Variants in MYO3A observed in about 807,000 individuals in gnomAD.
MYO3A encodes myosin-IIIa.
Under a neutral mutation model 192.7 loss-of-function variants are expected in MYO3A, and 180 were observed. That is an observed-to-expected ratio of 0.93 (90% CI 0.83 to 1.06). MYO3A has a LOEUF of 1.06. Among genes scored for constraint, MYO3A ranks in the 50% least tolerant of loss-of-function variants. The probability of loss-of-function intolerance (pLI) is 0.00; values close to 1 mark genes in which losing one functional copy is unlikely to be tolerated. For synonymous variants in MYO3A, 628 were observed against 645.3 expected (o/e 0.97, Z 0.41); for missense variants, 1,896 against 1,905.0 (o/e 1.00, Z 0.09).
chr10:26,092,994 A>G (rs1836789014), intron 15 of MYO3A, among the ~76,000 whole-genome samples: 1 of 152,196 alleles, frequency 6.6e-6, no homozygotes, highest in Non-Finnish European at 1.5e-5. Flanking sequence ...TTTTCAAATT[A>G]TAATTCTCAA....
chr10:26,001,753 A>G (rs1357529559), intron 6 of MYO3A, among the ~76,000 whole-genome samples: 3 of 152,210 alleles, frequency 2.0e-5, no homozygotes, highest in Non-Finnish European at 4.4e-5. Context: ...AGGATGAGGC[A>G]GGAGGATTAC....
At chr10:26,068,387 C>T (rs1160626680) in intron 11 of MYO3A, among the ~76,000 whole-genome samples, 3 of 152,134 alleles carry the variant, frequency 2.0e-5, no homozygotes, top group African/African-American at 7.2e-5. Flanking sequence ...CACTGGATCA[C>T]CTTGATTTGG....
At chr10:26,087,371 C>A (rs980108863) in intron 14 of MYO3A, among the ~76,000 whole-genome samples, 5 of 152,138 alleles carry the variant, frequency 3.3e-5, no homozygotes, top group Non-Finnish European at 5.9e-5. Context: ...CCAGAAATAG[C>A]CACCACTGCT....
intron 10 of MYO3A, among the ~76,000 whole-genome samples, chr10:26,066,472 A>C (rs1834854141): frequency 1.3e-5 from 2 of 152,190 alleles, no homozygotes; most frequent in South Asian, 4.1e-4. Flanking sequence ...TTTTACTTTG[A>C]AAATAAACTT....
intron 17 of MYO3A, among the ~76,000 whole-genome samples, chr10:26,113,268 T>G (rs1588977353): frequency 6.6e-6 from 1 of 152,108 alleles, no homozygotes; most frequent in African/African-American, 2.4e-5. Context: ...CTCAGGAGTT[T>G]GAGACCGGCC....
At chr10:26,199,674 T>C (rs1589119658) in intron 32 of MYO3A, among the ~76,000 whole-genome samples, 1 of 151,960 alleles carries the variant, frequency 6.6e-6, no homozygotes, top group East Asian at 1.9e-4. Context: ...AACCAACTTA[T>C]ATACACCATG....
At chr10:26,013,143 T>G (rs1043050328) in intron 6 of MYO3A, among the ~76,000 whole-genome samples, 1 of 152,128 alleles carries the variant, frequency 6.6e-6, no homozygotes, top group Non-Finnish European at 1.5e-5. Flanking sequence ...ATCAAAGACT[T>G]AAATATAACA....
rs945279230 is a variant in MYO3A at position 26,026,377 on chromosome 10, G to A, written c.798G>A (p.Lys266=). Residue 266 remains lysine (K), a splice_region_variant and synonymous_variant, in exon 10 of 35, where the codon AAG becomes AAA. Transcript: ENST00000642920. ...TGCATGTTCTTTTTTGCCAGTGCAG[G>A]TGCTTGACTAAAGATTATGAAAAGC... ...WSAEFNDFIS[K]CLTKDYEKRP... 3.1e-6 allele frequency: 5 copies of A among 1,613,926 alleles called. No homozygotes were observed. Among genetic ancestry groups the A allele is most frequent in the Admixed American group, 3.3e-5 (2 of 60,004 alleles).
At chr10:26,182,496 A>G (rs1039585054) in intron 31 of MYO3A, among the ~76,000 whole-genome samples, 2 of 152,210 alleles carry the variant, frequency 1.3e-5, no homozygotes, top group Admixed American at 1.3e-4. Context: ...GAAAGAAAAA[A>G]ACAAATGTTG....
chr10:26,101,927 A>T (rs180784941), intron 17 of MYO3A, among the ~76,000 whole-genome samples: 1 of 152,126 alleles, frequency 6.6e-6, no homozygotes, highest in Admixed American at 6.5e-5. Flanking sequence ...GTATTTCCTG[A>T]ATTTGAATGT....
chr10:26,138,629 T>A (rs1224017632), intron 20 of MYO3A, among the ~76,000 whole-genome samples: 1 of 152,160 alleles, frequency 6.6e-6, no homozygotes, highest in Non-Finnish European at 1.5e-5. Context: ...GCAAGAGAAG[T>A]CTTACTTCGT....
chr10:26,159,547 T>A (rs1193042761), intron 26 of MYO3A, among the ~76,000 whole-genome samples: 1 of 150,898 alleles, frequency 6.6e-6, no homozygotes, highest in Non-Finnish European at 1.5e-5. Flanking sequence ...GCCCGGCTAA[T>A]TTTTTGTATT....
intron 12 of MYO3A, 50 bp from the exon 13 acceptor site, chr10:26,070,061 C>T: frequency 7.4e-7 from 1 of 1,356,136 alleles, no homozygotes; most frequent in Non-Finnish European, 1.0e-6. Context: ...TAATTCAGGA[C>T]TTAAATAAAA....
chr10:26,157,413 AG>A lies in MYO3A; in HGVS notation c.2898del (p.Val968PhefsTer19). 3.7e-6 allele frequency: 6 copies of A among 1,614,178 alleles called. No homozygotes were observed. The highest frequency in any genetic ancestry group is 5.1e-6 in the Non-Finnish European group (6 of 1,180,006). On this transcript the variant is annotated frameshift_variant, in exon 26 of 35. Transcript: ENST00000642920. LOFTEE classifies it high-confidence loss of function. ...SERQARKYDK[E>X]KVLLQLRYTG... ...CGTCAGGCAAGAAAATATGACAAAG[AG>A]AAAGTTCTGCTACAGCTTCGGTACA...
At chr10:25,968,398 A>T (rs7902041) in intron 4 of MYO3A, among the ~76,000 whole-genome samples, 1 of 152,340 alleles carries the variant, frequency 6.6e-6, no homozygotes, top group East Asian at 1.9e-4. Flanking sequence ...ACTATAAAAA[A>T]TGTCAAAGAA....
chr10:26,084,067 GT>G (rs1321659362), intron 14 of MYO3A, among the ~76,000 whole-genome samples: 1 of 152,154 alleles, frequency 6.6e-6, no homozygotes, highest in Admixed American at 6.5e-5. Context: ...CCTCTTATGA[GT>G]TATACCTTAG....
chr10:26,078,147 G>GTTTTTTTTTTTTTTTTTTTTTT (rs1835714240), intron 14 of MYO3A, among the ~76,000 whole-genome samples: 1 of 110,530 alleles, frequency 9.0e-6, no homozygotes, highest in Admixed American at 8.5e-5. Flanking sequence ...TTTTTTTTTG[G>GTTTTTTTTTTTTTTTTTTTTTT]TAATTTTAAA....
At chr10:26,004,118 G>A (rs971763171) in intron 6 of MYO3A, among the ~76,000 whole-genome samples, 7 of 152,210 alleles carry the variant, frequency 4.6e-5, no homozygotes, top group African/African-American at 1.7e-4. Flanking sequence ...GCAGTTTGGA[G>A]TCTGAGAGGG....
In MYO3A at chr10:25,943,768, T is replaced by TCGTGTG. The variant is rs367579002; in HGVS notation, c.-18+7938_-18+7939insCGTGTG. 1.1e-4 allele frequency among the ~76,000 whole-genome samples: 16 copies of TCGTGTG among 142,684 alleles called. No individual in the cohort carries two copies. In the East Asian group the frequency reaches 3.3e-3, roughly 30 times the overall value. The allele number at this position is 142,684 out of a possible 152,430, so 93.6% of individuals were successfully genotyped here. A position where few individuals can be genotyped will look rare whatever the true frequency, so the allele number is the denominator to read the frequency against. On this transcript the variant is annotated intron_variant, in intron 2 of 34. Coordinates refer to ENST00000642920, the MANE Select transcript of MYO3A (RefSeq NM_017433.5). ...TGAATTCATTAATTAGTTCTAACAT[T>TCGTGTG]TGTGTGTGTGTGTGTGTGTGTGTGT... is the stretch of plus-strand genomic sequence containing the variant.
Sources: gnomAD v4.1 joint callset for allele counts (sites outside exome capture counted in the v4.1 genomes callset) on GRCh38, gnomAD v4.1.1 for gene constraint, MANE v1.5 for transcripts, NCBI Gene and HGNC (gene_info 2026-07-23, HGNC 2026-07-21) for gene names.